PRKN: variants seen among roughly 807,000 people sequenced by gnomAD.
The protein encoded by PRKN is parkin RBR E3 ubiquitin protein ligase, also known as E3 ubiquitin-protein ligase parkin.
Under a neutral mutation model 59.5 loss-of-function variants are expected in PRKN, and 56 were observed. That is an observed-to-expected ratio of 0.94 (90% CI 0.76 to 1.18). The LOEUF is 1.18. Ranked by LOEUF, PRKN falls within the 50% of genes most tolerant of loss-of-function variation. The pLI, the probability that PRKN is intolerant of heterozygous loss-of-function variation, is 0.00. For synonymous variants in PRKN, 250 were observed against 222.1 expected (o/e 1.13, Z -1.12); for missense variants, 657 against 596.4 (o/e 1.10, Z -1.06).
intron 6 of PRKN, among the ~76,000 whole-genome samples, chr6:161,924,679 C>T (rs149498369): frequency 3.9e-5 from 6 of 152,300 alleles, no homozygotes; most frequent in Non-Finnish European, 8.8e-5. Flanking sequence ...ACCCATTCCC[C>T]ACTGCCCAGG....
intron 4 of PRKN, among the ~76,000 whole-genome samples, chr6:162,119,807 T>C (rs1780829088): frequency 6.6e-6 from 1 of 152,142 alleles, no homozygotes; most frequent in Non-Finnish European, 1.5e-5. Flanking sequence ...TCTGAATCTA[T>C]TTAGATGACT....
chr6:161,954,945 A>T (rs933144197), intron 6 of PRKN, among the ~76,000 whole-genome samples: 4 of 152,216 alleles, frequency 2.6e-5, no homozygotes, highest in Non-Finnish European at 4.4e-5. Context: ...CCCATGGCTC[A>T]ATGTGAAAGG....
chr6:162,468,158 G>A (rs543886531), intron 1 of PRKN, among the ~76,000 whole-genome samples: 10 of 152,138 alleles, frequency 6.6e-5, no homozygotes, highest in Non-Finnish European at 1.3e-4. Context: ...AATAAAATAC[G>A]TGGAACATGG....
chr6:162,376,572 T>G (rs183238017), intron 2 of PRKN, among the ~76,000 whole-genome samples: 1 of 151,298 alleles, frequency 6.6e-6, no homozygotes, highest in South Asian at 2.1e-4. Context: ...AATGAATACC[T>G]GGGGCCAGGG....
At chr6:161,577,614 A>G (rs981481868) in intron 7 of PRKN, among the ~76,000 whole-genome samples, 2 of 152,246 alleles carry the variant, frequency 1.3e-5, no homozygotes, top group Non-Finnish European at 2.9e-5. Flanking sequence ...AATATTATCT[A>G]TTCAATTTCT....
chr6:161,441,628 G>A (rs1466234389), intron 9 of PRKN, among the ~76,000 whole-genome samples: 2 of 127,738 alleles, frequency 1.6e-5, no homozygotes, highest in African/African-American at 6.0e-5. Flanking sequence ...CTGGGCAACA[G>A]AGCAAGACTC....
chr6:161,867,280 T>A (rs1190914932), intron 6 of PRKN, among the ~76,000 whole-genome samples: 1 of 152,230 alleles, frequency 6.6e-6, no homozygotes, highest in African/African-American at 2.4e-5. Context: ...GTGAGGTCCA[T>A]ATATTCCCTT....
chr6:161,391,241 A>G lies in PRKN; in HGVS notation c.1084-4364T>C, dbSNP rs954085073. ...GCTGAAATTTACCCAGGGATTTGCTATTACTTAAAAATGGTCTTACATTTG... is the reference window on the plus strand; with the variant it reads ...GCTGAAATTTACCCAGGGATTTGCTGTTACTTAAAAATGGTCTTACATTTG... On this transcript the variant is annotated intron_variant, in intron 9 of 11. Coordinates refer to ENST00000366898, the MANE Select transcript of PRKN (RefSeq NM_004562.3). This position sits in a 1 kb window ranked among gnomAD's most constrained non-coding sequence, Gnocchi z 4.9. Among the ~76,000 whole-genome samples, 4 of 152,076 alleles carry G rather than the reference A, an allele frequency of 2.6e-5. No individual in the cohort carries two copies. Among genetic ancestry groups the G allele is most frequent in the Non-Finnish European group, 5.9e-5 (4 of 68,026 alleles).
intron 6 of PRKN, among the ~76,000 whole-genome samples, chr6:161,855,099 G>GAA (rs1192856013): frequency 7.6e-6 from 1 of 131,086 alleles, no homozygotes. Flanking sequence ...AAAAAAAAAA[G>GAA]AAAAAAAAAA....
At chr6:162,502,289 T>C (rs955798019) in intron 1 of PRKN, among the ~76,000 whole-genome samples, 8 of 152,140 alleles carry the variant, frequency 5.3e-5, no homozygotes, top group African/African-American at 1.9e-4. Flanking sequence ...ACCTCTGAAG[T>C]AGCTGAGACC....
rs71544915 is a variant in PRKN at position 161,733,770 on chromosome 6, G to GAAAAAAAAA, written c.871+51993_871+52001dup. Among the ~76,000 whole-genome samples the GAAAAAAAAA allele has an allele frequency of 9.6e-4, 98 of 102,390 alleles. 2 individuals carry two copies. The highest frequency in any genetic ancestry group is 4.2e-3 in the African/African-American group (96 of 23,074). 67.2% of individuals were successfully genotyped at this position (102,390 alleles called of 152,430 possible). On this transcript the variant is annotated intron_variant, in intron 7 of 11. Coordinates refer to ENST00000366898, the MANE Select transcript of PRKN (RefSeq NM_004562.3). ...GTATTGTTGAAAATTCCCAGGGGGT[G>GAAAAAAAAA]AAAAAAAAAAAAAATATATATATAT...
intron 1 of PRKN, among the ~76,000 whole-genome samples, chr6:162,687,316 G>A (rs1343480705): frequency 2.0e-5 from 3 of 151,628 alleles, no homozygotes; most frequent in Admixed American, 1.3e-4. Flanking sequence ...CTCCCGAGTA[G>A]CTGGGACTAC....
At position 162,262,718 on chromosome 6, in the gene PRKN, C is replaced by T. The variant is rs139083077; in HGVS notation, c.219G>A (p.Pro73=). 69 of 1,610,918 alleles carry T rather than the reference C, an allele frequency of 4.3e-5. No individual in the cohort carries two copies. Among genetic ancestry groups the T allele is most frequent in the Non-Finnish European group, 5.0e-5 (59 of 1,179,812 alleles). ...CATTCATTTCTTGACCTTTTCTCCA[C>T]GGTCTCTGCACAATGTGAACAATGC... is the stretch of plus-strand genomic sequence containing the variant. ...QQSIVHIVQR[P]WRKGQEMNAT... The change falls in exon 3 of 12, where the codon CCG becomes CCA. Residue 73 remains proline, a synonymous_variant. Coordinates refer to ENST00000366898, the MANE Select transcript of PRKN (RefSeq NM_004562.3).
intron 1 of PRKN, among the ~76,000 whole-genome samples, chr6:162,558,692 GC>G (rs1249075657): frequency 1.3e-5 from 2 of 151,276 alleles, no homozygotes; most frequent in Non-Finnish European, 2.9e-5. Flanking sequence ...AGGCTGGAGT[GC>G]AGTGGAGTGA....
chr6:161,772,323 TA>T (rs1215179718), intron 7 of PRKN, among the ~76,000 whole-genome samples: 1 of 152,188 alleles, frequency 6.6e-6, no homozygotes, highest in African/African-American at 2.4e-5. Flanking sequence ...CAGGAAGATA[TA>T]GCAGGCATCT....
At chr6:161,543,741 A>T (rs1176176038) in intron 9 of PRKN, among the ~76,000 whole-genome samples, 1 of 152,228 alleles carries the variant, frequency 6.6e-6, no homozygotes, top group Non-Finnish European at 1.5e-5. Flanking sequence ...TATCACCCAG[A>T]CATGTAATAC....
chr6:162,457,135 G>C (rs147667310), intron 1 of PRKN, among the ~76,000 whole-genome samples: 1 of 152,196 alleles, frequency 6.6e-6, no homozygotes, highest in East Asian at 1.9e-4. Context: ...AAAGCTTCCA[G>C]TACTGATTTT....
In PRKN at chr6:161,413,164, G is replaced by A. The variant is rs1212318989; in HGVS notation, c.1084-26287C>T. 1.3e-5 allele frequency among the ~76,000 whole-genome samples: 2 copies of A among 152,292 alleles called. No individual in the cohort carries two copies. The highest frequency in any genetic ancestry group is 1.9e-4 in the East Asian group (1 of 5,168). On this transcript the variant is annotated intron_variant, in intron 9 of 11. Coordinates refer to ENST00000366898, the MANE Select transcript of PRKN (RefSeq NM_004562.3). This position sits in a 1 kb window ranked among gnomAD's most constrained non-coding sequence, Gnocchi z 4.4. ...AGTACGTGGAAGTCTGAGGGGCGGA[G>A]GAATGTGCATTTAGGGTCGTGGGAC... is the stretch of plus-strand genomic sequence containing the variant.
intron 2 of PRKN, among the ~76,000 whole-genome samples, chr6:162,307,938 G>C (rs1190840101): frequency 6.6e-6 from 1 of 152,222 alleles, no homozygotes; most frequent in Admixed American, 6.5e-5. Flanking sequence ...CTTTCAAGAT[G>C]TTTTGAAATA....
Sources: allele counts gnomAD v4.1 joint callset (sites outside exome capture counted in the v4.1 genomes callset), GRCh38; gene constraint gnomAD v4.1.1; non-coding constraint Gnocchi (gnomAD v3.1); transcripts MANE v1.5; gene names NCBI Gene and HGNC (gene_info 2026-07-23, HGNC 2026-07-21).